Variants in GALNT18 observed in about 807,000 individuals in gnomAD.
GALNT18 encodes the protein GalNAc-transferase 18.
Under a neutral mutation model 69.5 loss-of-function variants are expected in GALNT18, and 44 were observed. The observed-to-expected ratio is 0.63, with a 90% CI of 0.50 to 0.81. GALNT18 has a LOEUF of 0.81. Among genes scored for constraint, GALNT18 ranks in the 40% least tolerant of loss-of-function variants. The pLI is 0.00. For synonymous variants in GALNT18, 364 were observed against 318.2 expected, an observed-to-expected ratio of 1.14 and a Z score of -1.53; for missense variants, 715 against 810.0, an observed-to-expected ratio of 0.88 and a Z score of 1.42.
rs901446098 is a variant in GALNT18, at chr11:11,583,387, T to C, written c.235+37972A>G. 5.3e-5 allele frequency among the ~76,000 whole-genome samples: 8 copies of C among 152,192 alleles called. No homozygotes were observed. Among genetic ancestry groups the C allele is most frequent in the Non-Finnish European group, 1.2e-4 (8 of 68,026 alleles). On this transcript the variant is annotated intron_variant, in intron 1 of 10. Coordinates refer to ENST00000227756, the MANE Select transcript of GALNT18 (RefSeq NM_198516.3). This position sits in a 1 kb window ranked among gnomAD's most constrained non-coding sequence, Gnocchi z 4.7. ...GAGCAGCTGACCAGTGCCAAGTACA[T>C]AGGAGGAGCTCAATTCATACATTCT...
At position 11,602,733 on chromosome 11, in the gene GALNT18, T is replaced by C. The variant is rs1342147135; in HGVS notation, c.235+18626A>G. On this transcript the variant is annotated intron_variant, in intron 1 of 10. Transcript: ENST00000227756. The surrounding 1 kb of genome is among the most constrained non-coding windows in gnomAD (Gnocchi z 4.7). ...GAGCTCCTCACACTGCCATTCCAGT[T>C]CTTCCCTAACCCCCTGTGATTTGCA... 6.6e-6 allele frequency among the ~76,000 whole-genome samples: 1 copy of C among 152,226 alleles called. No homozygotes were observed. Among genetic ancestry groups the C allele is most frequent in the East Asian group, 1.9e-4 (1 of 5,200 alleles).
rs114316711 is a variant in GALNT18, at chr11:11,349,512, G to A, written c.1093-8508C>T. Among the ~76,000 whole-genome samples, 762 of 152,160 alleles carry A rather than the reference G, an allele frequency of 5.0e-3. 9 individuals are homozygous for A. Among genetic ancestry groups the A allele is most frequent in the African/African-American group, 0.017 (714 of 41,526 alleles). On this transcript the variant is annotated intron_variant, in intron 6 of 10. Coordinates refer to ENST00000227756, the MANE Select transcript of GALNT18 (RefSeq NM_198516.3). The stretch of plus-strand genomic sequence containing the variant: ...GATGGGCAAGAAATTCTCCCTCACC[G>A]CAGTTTTAATTTGCAACCTCCCCTG...
At chr11:11,534,934 C>T (rs1266636625) in intron 1 of GALNT18, among the ~76,000 whole-genome samples, 2 of 152,256 alleles carry the variant, frequency 1.3e-5, no homozygotes, top group East Asian at 1.9e-4. Flanking sequence ...AGGAAAACGG[C>T]ACAATGCAGT....
chr11:11,475,451 A>G (rs1856370493), intron 1 of GALNT18: 1 of 152,214 alleles, frequency 6.6e-6, no homozygotes, highest in East Asian at 1.9e-4. Flanking sequence ...GAAGCTTAAG[A>G]GCATGGCTCC....
chr11:11,523,081 T>C lies in GALNT18; in HGVS notation c.236-74145A>G, dbSNP rs2133931080. Reference sequence around the variant, plus strand: ...GTAGCAATTTACATGCTTTTTCTTATTACAAGCCCTTTCATTATGTCCGCA... The same window carrying C: ...GTAGCAATTTACATGCTTTTTCTTACTACAAGCCCTTTCATTATGTCCGCA... On this transcript the variant is annotated intron_variant, in intron 1 of 10. Coordinates refer to ENST00000227756, the MANE Select transcript of GALNT18 (RefSeq NM_198516.3). The surrounding 1 kb of genome is among the most constrained non-coding windows in gnomAD (Gnocchi z 4.3). Among the ~76,000 whole-genome samples, 1 of 152,368 alleles carries C rather than the reference T, an allele frequency of 6.6e-6. No homozygotes were observed. Among genetic ancestry groups the C allele is most frequent in the Admixed American group, 6.5e-5 (1 of 15,300 alleles).
intron 1 of GALNT18, among the ~76,000 whole-genome samples, chr11:11,495,180 G>A (rs532387378): frequency 1.4e-4 from 21 of 152,166 alleles, no homozygotes; most frequent in Non-Finnish European, 2.8e-4. Flanking sequence ...TCGGGGTTTC[G>A]AACCGTAGGT....
chr11:11,380,321 A>G (rs1056308803), intron 3 of GALNT18, among the ~76,000 whole-genome samples: 4 of 152,246 alleles, frequency 2.6e-5, no homozygotes, highest in Admixed American at 2.6e-4. Context: ...GTCCTTGCTA[A>G]GGACTTCTCT....
chr11:11,306,506 T>G (rs377313505), intron 9 of GALNT18, among the ~76,000 whole-genome samples: 1 of 152,330 alleles, frequency 6.6e-6, no homozygotes, highest in East Asian at 1.9e-4. Context: ...ATTTTCCTTG[T>G]CCCTGGGGAA....
In GALNT18 at chr11:11,459,270, C is replaced by T. The variant is rs57770200; in HGVS notation, c.236-10334G>A. Among the ~76,000 whole-genome samples, 14,858 of 152,170 alleles carry T rather than the reference C, an allele frequency of 0.098. 772 individuals are homozygous for T. Among genetic ancestry groups the T allele is most frequent in the Non-Finnish European group, 0.11 (7,159 of 68,000 alleles). On this transcript the variant is annotated intron_variant, in intron 1 of 10. Coordinates refer to ENST00000227756, the MANE Select transcript of GALNT18 (RefSeq NM_198516.3). The surrounding 1 kb of genome is among the most constrained non-coding windows in gnomAD (Gnocchi z 5.0). Reference sequence around the variant, plus strand: ...AATTAGGCTTTCTCTTCCTGGAATCCTCAGAGCTGCCAAAAGAACGAAGTG... The same window carrying T: ...AATTAGGCTTTCTCTTCCTGGAATCTTCAGAGCTGCCAAAAGAACGAAGTG...
At chr11:11,504,905 C>T (rs560506316) in intron 1 of GALNT18, among the ~76,000 whole-genome samples, 1 of 152,222 alleles carries the variant, frequency 6.6e-6, no homozygotes, top group African/African-American at 2.4e-5. Flanking sequence ...TCCTAAGATC[C>T]CTGTCCTTTT....
At chr11:11,550,589 C>G (rs1423699600) in intron 1 of GALNT18, among the ~76,000 whole-genome samples, 1 of 152,182 alleles carries the variant, frequency 6.6e-6, no homozygotes, top group African/African-American at 2.4e-5. Flanking sequence ...CCTAGATTCT[C>G]AGATTACAAG....
chr11:11,358,040 C>G (rs1850566407), intron 6 of GALNT18, among the ~76,000 whole-genome samples: 1 of 152,146 alleles, frequency 6.6e-6, no homozygotes, highest in Admixed American at 6.5e-5. Context: ...CTGGCTGATT[C>G]TTCTCTGAGA....
chr11:11,287,809 G>T (rs1018075751), intron 10 of GALNT18, among the ~76,000 whole-genome samples: 1 of 152,076 alleles, frequency 6.6e-6, no homozygotes, highest in African/African-American at 2.4e-5. Context: ...TGTGTAGCTT[G>T]AGGGAGGCAA....
intron 1 of GALNT18, among the ~76,000 whole-genome samples, chr11:11,506,397 G>GTCAA (rs1857070572): frequency 6.6e-6 from 1 of 152,192 alleles, no homozygotes; most frequent in African/African-American, 2.4e-5. Flanking sequence ...AGGCAAGGAT[G>GTCAA]TCAAATACAC....
At chr11:11,398,825 G>C (rs1191155531) in intron 3 of GALNT18, among the ~76,000 whole-genome samples, 1 of 152,194 alleles carries the variant, frequency 6.6e-6, no homozygotes, top group Non-Finnish European at 1.5e-5. Context: ...TTTCTTAAGA[G>C]TGGAAGAACA....
At chr11:11,378,563 A>T (rs1483170400) in intron 4 of GALNT18, among the ~76,000 whole-genome samples, 1 of 152,206 alleles carries the variant, frequency 6.6e-6, no homozygotes, top group Non-Finnish European at 1.5e-5. Flanking sequence ...GTTCTTAGAC[A>T]GTTTCACCAT....
intron 7 of GALNT18, among the ~76,000 whole-genome samples, chr11:11,334,010 C>T (rs969590594): frequency 1.2e-4 from 18 of 151,972 alleles, no homozygotes; most frequent in African/African-American, 4.4e-4. Flanking sequence ...TGTGGCATCC[C>T]ATAAGATGCC....
chr11:11,281,812 G>C (rs985456527), intron 10 of GALNT18, among the ~76,000 whole-genome samples: 11 of 152,096 alleles, frequency 7.2e-5, no homozygotes, highest in Admixed American at 7.2e-4. Flanking sequence ...GCCAAGAGTG[G>C]GGTTGGGGGA....
At chr11:11,349,315 T>G (rs1850357512) in intron 6 of GALNT18, among the ~76,000 whole-genome samples, 1 of 152,214 alleles carries the variant, frequency 6.6e-6, no homozygotes, top group South Asian at 2.1e-4. Context: ...TTTATCTCAC[T>G]GAAATTTCTG....
Sources: gnomAD v4.1 joint callset for allele counts (sites outside exome capture counted in the v4.1 genomes callset) on GRCh38, gnomAD v4.1.1 for gene constraint, Gnocchi (gnomAD v3.1) non-coding constraint, MANE v1.5 for transcripts, NCBI Gene and HGNC (gene_info 2026-07-23, HGNC 2026-07-21) for gene names.